The following PHGDH variants were observed in gnomAD, a reference collection of about 807,000 sequenced individuals.
PHGDH encodes the protein D-3-phosphoglycerate dehydrogenase.
In PHGDH, 50 loss-of-function variants were observed where a neutral mutation model predicts 52.6. The observed-to-expected ratio is 0.95, with a 90% CI of 0.76 to 1.20. The LOEUF is 1.20. Among genes scored for constraint, PHGDH ranks in the 50% most tolerant of loss-of-function variants. The pLI, the probability that PHGDH is intolerant of heterozygous loss-of-function variation, is 0.00. For missense variants in PHGDH, 630 were observed against 684.6 expected, an observed-to-expected ratio of 0.92 and a Z score of 0.89; for synonymous variants, 271 against 280.5, an observed-to-expected ratio of 0.97 and a Z score of 0.34.
intron 9 of PHGDH, 127 bp downstream of exon 9, chr1:119,740,645 C>T (rs1652157084): frequency 1.3e-6 from 1 of 757,816 alleles, no homozygotes; most frequent in Non-Finnish European, 2.2e-6. Flanking sequence ...TGGACCCTGC[C>T]CTGAGTATAG....
At chr1:119,721,377 AC>A in intron 2 of PHGDH, 56 bp downstream of exon 2, 1 of 1,563,100 alleles carries the variant, frequency 6.4e-7, no homozygotes, top group Non-Finnish European at 8.8e-7. Context: ...GCGGAGACTG[AC>A]CACACCTAGG....
At position 119,720,931 on chromosome 1, in the gene PHGDH, A is replaced by G. The variant is rs1405943877; in HGVS notation, c.139-239A>G. On this transcript the variant is annotated intron_variant, in intron 1 of 11. Coordinates refer to ENST00000641023, the MANE Select transcript of PHGDH (RefSeq NM_006623.4). ...ATGCTGCCCTTTCTTGAGCATGCCA[A>G]ACAAAGCGGTTGGTGTGTTAGAGGC... 1.5e-5 allele frequency: 8 copies of G among 526,734 alleles called. No individual in the cohort carries two copies. In the East Asian group the frequency reaches 2.9e-4, roughly 19 times the overall value. The allele number at this position is 526,734 out of a possible 1,614,324, so 32.6% of individuals were successfully genotyped here.
intron 9 of PHGDH, 68 bp downstream of exon 9, chr1:119,740,586 G>C (rs1652154653): frequency 7.4e-7 from 1 of 1,356,452 alleles, no homozygotes; most frequent in Non-Finnish European, 1.0e-6. Context: ...GCCCTGCTGG[G>C]TGTATTTGCT....
chr1:119,737,742 C>T (rs587620693), intron 8 of PHGDH, among the ~76,000 whole-genome samples: 1 of 152,292 alleles, frequency 6.6e-6, no homozygotes, highest in East Asian at 1.9e-4. Context: ...GGCTGACCCC[C>T]TTGCTTTCCC....
At chr1:119,739,819 T>A (rs1372290332) in intron 8 of PHGDH, 1 of 154,622 alleles carries the variant, frequency 6.5e-6, no homozygotes, top group Non-Finnish European at 1.4e-5. Context: ...TTGGGGGATA[T>A]GGGGCTTGTG....
chr1:119,739,065 T>C (rs1163336140), intron 8 of PHGDH, among the ~76,000 whole-genome samples: 1 of 152,244 alleles, frequency 6.6e-6, no homozygotes, highest in Non-Finnish European at 1.5e-5. Flanking sequence ...TTTTCCCCAG[T>C]TCAATTCTGT....
intron 1 of PHGDH, among the ~76,000 whole-genome samples, chr1:119,716,276 G>T (rs2101144724): frequency 6.6e-6 from 1 of 152,248 alleles, no homozygotes; most frequent in African/African-American, 2.4e-5. Context: ...TCTGACTGGG[G>T]ACTCTTAGTT....
chr1:119,721,017 G>A, intron 1 of PHGDH, 153 bp from the exon 2 acceptor site: 1 of 777,160 alleles, frequency 1.3e-6, no homozygotes, highest in Non-Finnish European at 2.3e-6. Context: ...TCCCTAGTGA[G>A]TATACCAAAG....
intron 5 of PHGDH, 57 bp from the exon 6 acceptor site, chr1:119,734,559 TGTTTGCCATTCTTAATAA>T (rs1359295779): frequency 2.1e-6 from 3 of 1,431,018 alleles, no homozygotes; most frequent in Non-Finnish European, 3.0e-6. Flanking sequence ...GCTCAAAAAA[TGTTTGCCATTCTTAATAA>T]TAACAATACT....
At chr1:119,720,486 C>T in intron 1 of PHGDH, 1 of 153,030 alleles carries the variant, frequency 6.5e-6, no homozygotes, top group Non-Finnish European at 1.5e-5. Context: ...AATTTGATCC[C>T]ACCTCTGCCC....
intron 1 of PHGDH, among the ~76,000 whole-genome samples, chr1:119,714,170 A>G (rs1284195967): frequency 2.0e-5 from 3 of 152,114 alleles, no homozygotes; most frequent in Admixed American, 1.3e-4. Flanking sequence ...TTTCTACACT[A>G]TGCCTTTTTA....
At chr1:119,733,077 G>A in intron 5 of PHGDH, among the ~76,000 whole-genome samples, 1 of 152,192 alleles carries the variant, frequency 6.6e-6, no homozygotes, top group East Asian at 1.9e-4. Context: ...AAATGAGTAG[G>A]TTACAGCCGA....
At position 119,742,049 on chromosome 1, in the gene PHGDH, G is replaced by T. The variant is rs587763136; in HGVS notation, c.1209+152G>T. ...AGGGGTAGCTGCAGTTTCTTCAACTGCAAAATGAAGATACTGCCTGGCCCC... is the reference window on the plus strand; with the variant it reads ...AGGGGTAGCTGCAGTTTCTTCAACTTCAAAATGAAGATACTGCCTGGCCCC... On this transcript the variant is annotated intron_variant, in intron 10 of 11. Transcript: ENST00000641023. 8.2e-5 allele frequency: 56 copies of T among 680,500 alleles called. No homozygotes were observed. In the South Asian group the frequency reaches 9.1e-4, roughly 11 times the overall value. 42.2% of individuals were successfully genotyped at this position (680,500 alleles called of 1,614,324 possible).
intron 9 of PHGDH, 32 bp downstream of exon 9, chr1:119,740,550 G>A: frequency 1.3e-6 from 2 of 1,536,778 alleles, no homozygotes; most frequent in Non-Finnish European, 1.8e-6. Flanking sequence ...GGGAGGGGGA[G>A]GAGGGGATGA....
At chr1:119,741,678 T>C (rs1652213326) in intron 9 of PHGDH, 89 bp from the exon 10 acceptor site, 6 of 1,216,584 alleles carry the variant, frequency 4.9e-6, no homozygotes, top group Non-Finnish European at 7.3e-6. Flanking sequence ...GAGGAGCCCA[T>C]AGTCCAGAGC....
At chr1:119,715,252 G>A (rs1202222226) in intron 1 of PHGDH, among the ~76,000 whole-genome samples, 1 of 152,064 alleles carries the variant, frequency 6.6e-6, no homozygotes, top group African/African-American at 2.4e-5. Context: ...TTGCTGGTCA[G>A]GACCACTAAA....
Position 119,744,158 on chromosome 1 carries a change from C to T in PHGDH, c.*118C>T, listed in dbSNP as rs1652339767. 10 of 886,336 alleles carry T rather than the reference C, an allele frequency of 1.1e-5. No individual in the cohort carries two copies. In the South Asian group the frequency reaches 1.3e-4, roughly 12 times the overall value. 54.9% of individuals were successfully genotyped at this position (886,336 alleles called of 1,614,324 possible). A position where few individuals can be genotyped will look rare whatever the true frequency, so the allele number is the denominator to read the frequency against. On this transcript the variant is annotated 3_prime_UTR_variant, in exon 12 of 12. Coordinates refer to ENST00000641023, the MANE Select transcript of PHGDH (RefSeq NM_006623.4). ...GAACGCGGGCCTCTGACACTGCTTA[C>T]ACTGCACTCTGACCCTGTAGTACAG... is the stretch of plus-strand genomic sequence containing the variant.
chr1:119,737,341 G>A (rs757627399), intron 8 of PHGDH, 75 bp downstream of exon 8: 1 of 1,283,340 alleles, frequency 7.8e-7, no homozygotes, highest in Non-Finnish European at 1.1e-6. Flanking sequence ...GTAGGGGCTG[G>A]TGGCAGCGTG....
rs1031257536 is a variant in PHGDH at position 119,734,649 on chromosome 1, C to G, written c.526C>G (p.Pro176Ala). The change falls in exon 6 of 12, where the codon CCC (proline) becomes GCC (alanine). Residue 176 changes from proline to alanine, a missense_variant. Coordinates refer to ENST00000641023, the MANE Select transcript of PHGDH (RefSeq NM_006623.4). ...SFGMKTIGYD[P>A]IISPEVSASF... ...TTCCAACCAGACTATAGGGTATGAC[C>G]CCATCATTTCCCCAGAGGTCTCGGC... is the stretch of plus-strand genomic sequence containing the variant. 11 of 1,614,024 alleles carry G rather than the reference C, an allele frequency of 6.8e-6. No individual in the cohort carries two copies. Among genetic ancestry groups the G allele is most frequent in the Non-Finnish European group, 9.3e-6 (11 of 1,179,916 alleles).
Sources: allele counts gnomAD v4.1 joint callset (sites outside exome capture counted in the v4.1 genomes callset), GRCh38; gene constraint gnomAD v4.1.1; transcripts MANE v1.5; gene names NCBI Gene and HGNC (gene_info 2026-07-23, HGNC 2026-07-21).